The following HEMK2 variants were observed in gnomAD, a reference collection of about 807,000 sequenced individuals.
HEMK2 encodes the protein HemK methyltransferase 2, ETF1 glutamine and histone H4 lysine.
chr21:28,616,107 A>C, the HEMK2 span, among the ~76,000 whole-genome samples: 3 of 152,236 alleles, frequency 2.0e-5, no homozygotes, highest in African/African-American at 7.2e-5. Context: ...TGACAGTGGA[A>C]GCTTCAGTCA....
At chr21:28,602,731 C>T in the HEMK2 span, among the ~76,000 whole-genome samples, 2 of 152,264 alleles carry the variant, frequency 1.3e-5, no homozygotes, top group South Asian at 4.1e-4. Flanking sequence ...TGATAGATAA[C>T]AGTTTTAGCA....
At chr21:28,614,139 A>G in the HEMK2 span, among the ~76,000 whole-genome samples, 1 of 152,212 alleles carries the variant, frequency 6.6e-6, no homozygotes, top group African/African-American at 2.4e-5. Flanking sequence ...TGAATTTACA[A>G]TCATGGTGCA....
chr21:28,835,962 G>A, the HEMK2 span, among the ~76,000 whole-genome samples: 1 of 151,962 alleles, frequency 6.6e-6, no homozygotes, highest in Non-Finnish European at 1.5e-5. Context: ...GAGAAAATAT[G>A]AACAAAGCCT....
chr21:28,876,463 T>G, the HEMK2 span: 1 of 1,604,926 alleles, frequency 6.2e-7, no homozygotes, highest in Non-Finnish European at 8.5e-7. Context: ...CTTGCAGACC[T>G]TTTGTCTTCA....
the HEMK2 span, among the ~76,000 whole-genome samples, chr21:28,599,948 G>C: frequency 6.6e-6 from 1 of 152,210 alleles, no homozygotes; most frequent in Non-Finnish European, 1.5e-5. Context: ...AGGTCATGCT[G>C]ATACAAGAGG....
chr21:28,707,891 G>C, the HEMK2 span, among the ~76,000 whole-genome samples: 1 of 152,034 alleles, frequency 6.6e-6, no homozygotes, highest in Non-Finnish European at 1.5e-5. Flanking sequence ...ATTAAATATT[G>C]TTTTAAAAAA....
chr21:28,807,521 C>G, the HEMK2 span, among the ~76,000 whole-genome samples: 1 of 152,204 alleles, frequency 6.6e-6, no homozygotes, highest in Non-Finnish European at 1.5e-5. Context: ...GTTCATCCTA[C>G]AAAGAACTCT....
chr21:28,871,275 T>C, the HEMK2 span, among the ~76,000 whole-genome samples: 1 of 152,140 alleles, frequency 6.6e-6, no homozygotes, highest in Non-Finnish European at 1.5e-5. Flanking sequence ...ACAGGAAGCA[T>C]GGCTGGGGAG....
At chr21:28,744,310 T>C in the HEMK2 span, among the ~76,000 whole-genome samples, 2 of 152,010 alleles carry the variant, frequency 1.3e-5, no homozygotes, top group Admixed American at 6.6e-5. Flanking sequence ...AGACAATAAA[T>C]AGATCCTGGG....
chr21:28,575,740 C>T, the HEMK2 span, among the ~76,000 whole-genome samples: 41 of 152,208 alleles, frequency 2.7e-4, no homozygotes, highest in Non-Finnish European at 7.3e-5. Context: ...TTTCCATCAA[C>T]GTAGAGTTTC....
At chr21:28,602,057 G>A in the HEMK2 span, among the ~76,000 whole-genome samples, 1 of 152,128 alleles carries the variant, frequency 6.6e-6, no homozygotes, top group East Asian at 1.9e-4. Context: ...AATTTCCTCA[G>A]GGGGAAGAAT....
the HEMK2 span, among the ~76,000 whole-genome samples, chr21:28,741,034 T>C: frequency 1.3e-5 from 2 of 152,230 alleles, no homozygotes; most frequent in African/African-American, 2.4e-5. Context: ...TTGGTTAATA[T>C]ACACATGTGT....
the HEMK2 span, among the ~76,000 whole-genome samples, chr21:28,682,291 A>C: frequency 6.6e-6 from 1 of 152,238 alleles, no homozygotes; most frequent in Non-Finnish European, 1.5e-5. Flanking sequence ...GCCAAAAGAC[A>C]CATGAAAAAA....
the HEMK2 span, among the ~76,000 whole-genome samples, chr21:28,848,725 A>G: frequency 1.3e-5 from 2 of 152,244 alleles, no homozygotes; most frequent in African/African-American, 4.8e-5. Flanking sequence ...TTATGTTTAT[A>G]AAATTTCCTA....
chr21:28,681,759 T>A, the HEMK2 span, among the ~76,000 whole-genome samples: 1 of 151,126 alleles, frequency 6.6e-6, no homozygotes, highest in African/African-American at 2.4e-5. Context: ...TATTTACAAC[T>A]ATCTGATTTT....
At chr21:28,806,234 G>A in the HEMK2 span, among the ~76,000 whole-genome samples, 1 of 152,146 alleles carries the variant, frequency 6.6e-6, no homozygotes, top group Non-Finnish European at 1.5e-5. Flanking sequence ...ATGTTGTCAC[G>A]ACAGATAATT....
chr21:28,844,690 C>A, the HEMK2 span, among the ~76,000 whole-genome samples: 1 of 151,998 alleles, frequency 6.6e-6, no homozygotes. Context: ...TGAGACTAAT[C>A]CCTTCCCTAA....
the HEMK2 span, among the ~76,000 whole-genome samples, chr21:28,728,690 T>C: frequency 7.9e-5 from 12 of 152,360 alleles, no homozygotes; most frequent in African/African-American, 2.9e-4. Flanking sequence ...CTGTTAAAAC[T>C]GTTCTCCATG....
chr21:28,589,068 T>C, the HEMK2 span, among the ~76,000 whole-genome samples: 1 of 151,610 alleles, frequency 6.6e-6, no homozygotes, highest in East Asian at 1.9e-4. Context: ...TCTGAAAAGA[T>C]TACATACTAT....
Sources: gnomAD v4.1 joint callset for allele counts (sites outside exome capture counted in the v4.1 genomes callset) on GRCh38, gnomAD v4.1.1 for gene constraint, MANE v1.5 for transcripts, NCBI Gene and HGNC (gene_info 2026-07-23, HGNC 2026-07-21) for gene names.